Variants in RARS2 observed in about 807,000 individuals in gnomAD.
RARS2 encodes probable arginine--tRNA ligase, mitochondrial.
In RARS2, 67 loss-of-function variants were observed where a neutral mutation model predicts 88.5. The ratio of observed to expected loss-of-function variants is 0.76; its 90% CI spans 0.62 to 0.93. The LOEUF is 0.93. RARS2 is among the 40% of genes least tolerant of loss of function. The pLI is 0.00. For synonymous variants in RARS2, 239 were observed against 230.3 expected (o/e 1.04, Z -0.34); for missense variants, 664 against 684.2 (o/e 0.97, Z 0.33).
In RARS2 at chr6:87,564,131, T is replaced by C. The variant is rs746485365; in HGVS notation, c.212A>G (p.Lys71Arg). The change falls in exon 3 of 20, where the codon AAG becomes AGG. Residue 71 changes from lysine to arginine, a missense_variant and splice_region_variant. Physicochemically the swap from Lys to Arg is conservative, Grantham distance 26. Coordinates refer to ENST00000369536, the MANE Select transcript of RARS2 (RefSeq NM_020320.5). ...AAAGAGATAATAGTGCTAACGTACCTTCTCTGCTAGTCTCTTGGCTTGAAC... is the reference window on the plus strand; with the variant it reads ...AAAGAGATAATAGTGCTAACGTACCCTCTCTGCTAGTCTCTTGGCTTGAAC... ...IQVQAKRLAE[K>R]LRCDTVVSEI... The C allele has an allele frequency of 2.5e-6, 4 of 1,599,180 alleles. No individual in the cohort carries two copies. Among genetic ancestry groups the C allele is most frequent in the Middle Eastern group, 1.7e-4 (1 of 6,038 alleles).
At chr6:87,564,814 T>C (rs888293957) in intron 2 of RARS2, among the ~76,000 whole-genome samples, 30 of 152,174 alleles carry the variant, frequency 2.0e-4, no homozygotes, top group African/African-American at 6.5e-4. Flanking sequence ...TCCCAGCACT[T>C]TGGGAGGCCG....
chr6:87,558,184 A>G (rs1364765483), intron 4 of RARS2, among the ~76,000 whole-genome samples: 2 of 151,922 alleles, frequency 1.3e-5, no homozygotes, highest in Non-Finnish European at 2.9e-5. Context: ...TCTCAAAGAA[A>G]AAAAAAAAAA....
At position 87,520,807 on chromosome 6, in the gene RARS2, T is replaced by G. The variant is rs58811064; in HGVS notation, c.1036-551A>C. 1.0e-2 allele frequency among the ~76,000 whole-genome samples: 1,520 copies of G among 152,252 alleles called. 25 individuals are homozygous for G. The highest frequency in any genetic ancestry group is 0.035 in the African/African-American group (1,437 of 41,540). On this transcript the variant is annotated intron_variant, in intron 12 of 19. Coordinates refer to ENST00000369536, the MANE Select transcript of RARS2 (RefSeq NM_020320.5). Reference sequence around the variant, plus strand: ...CAACATTCTTAGAGTGACAAAATTGTGCTGAAGAACAGAGCACTGGCTGCC... The same window carrying G: ...CAACATTCTTAGAGTGACAAAATTGGGCTGAAGAACAGAGCACTGGCTGCC...
At chr6:87,555,145 A>AAATG (rs1299167597) in intron 5 of RARS2, among the ~76,000 whole-genome samples, 1 of 150,236 alleles carries the variant, frequency 6.7e-6, no homozygotes, top group African/African-American at 2.5e-5. Context: ...ATAAATAAAT[A>AAATG]AAGTGAATAA....
At chr6:87,515,424 G>T (rs1024207745) in intron 18 of RARS2, among the ~76,000 whole-genome samples, 1 of 152,008 alleles carries the variant, frequency 6.6e-6, no homozygotes, top group African/African-American at 2.4e-5. Flanking sequence ...GGAGGCTGAG[G>T]CAGGAGAATG....
At position 87,518,719 on chromosome 6, in the gene RARS2, T is replaced by C. The variant is rs1772679551; in HGVS notation, c.1326A>G (p.Leu442=). 3.7e-6 allele frequency: 6 copies of C among 1,614,142 alleles called. No homozygotes were observed. The highest frequency in any genetic ancestry group is 1.3e-5 in the African/African-American group (1 of 75,056). Residue 442 remains leucine, a synonymous_variant, in exon 16 of 20, where the codon TTA becomes TTG. Coordinates refer to ENST00000369536, the MANE Select transcript of RARS2 (RefSeq NM_020320.5). ...GATCCCAGCTGAACTTGTAGTCAGA[T>C]AAGAGTAAACCTTTGAAGTCCTAAA... The part of the protein sequence containing the change: ...LIIQDFKGLL[L]SDYKFSWDRV...
rs1771971061 is a variant in RARS2, at chr6:87,516,977, C to CAAT, written c.1512-98_1512-97insATT. 8.4e-6 allele frequency: 13 copies of CAAT among 1,542,384 alleles called. No individual in the cohort carries two copies. In the South Asian group the frequency reaches 1.5e-4, roughly 18 times the overall value. On this transcript the variant is annotated intron_variant, in intron 17 of 19. Coordinates refer to ENST00000369536, the MANE Select transcript of RARS2 (RefSeq NM_020320.5). ...TTGTGAATATAAGGTTGACTCGACA[C>CAAT]GATTAAGAGTAGAAGGTATGGCCAG...
rs1205965138 is a variant in RARS2, at chr6:87,572,397, GA to G, written c.37-2808del. On this transcript the variant is annotated intron_variant, in intron 1 of 19. Coordinates refer to ENST00000369536, the MANE Select transcript of RARS2 (RefSeq NM_020320.5). ...CTATCTTAAATATAACAATTCGGCT[GA>G]AAAAAACTCAGTTATTAGGTCAATT... Among the ~76,000 whole-genome samples, 7 of 152,040 alleles carry G rather than the reference GA, an allele frequency of 4.6e-5. No individual in the cohort carries two copies. In the East Asian group the frequency reaches 7.7e-4, roughly 17 times the overall value.
chr6:87,531,962 T>C (rs1777661316), intron 8 of RARS2, among the ~76,000 whole-genome samples: 1 of 152,132 alleles, frequency 6.6e-6, no homozygotes, highest in East Asian at 1.9e-4. Flanking sequence ...GAATAAACTA[T>C]GAAAAAATAA....
chr6:87,570,296 G>A (rs1769256598), intron 1 of RARS2, among the ~76,000 whole-genome samples: 1 of 152,108 alleles, frequency 6.6e-6, no homozygotes, highest in African/African-American at 2.4e-5. Flanking sequence ...GTGAGGAACT[G>A]TGCCTTGCTG....
chr6:87,562,824 A>G (rs1215104056), intron 3 of RARS2, 39 bp from the exon 4 acceptor site: 1 of 1,457,368 alleles, frequency 6.9e-7, no homozygotes, highest in Non-Finnish European at 9.6e-7. Context: ...TATGTTATAT[A>G]ATAGGCCTAA....
rs560953644 is a variant in RARS2 at position 87,556,189 on chromosome 6, G to A, written c.298-684C>T. 5.3e-5 allele frequency among the ~76,000 whole-genome samples: 8 copies of A among 152,256 alleles called. No homozygotes were observed. The South Asian group carries it at 1.4e-3, about 28-fold the overall frequency. ...CAAACATATTCCAGGTTAGTTTTTAGTTATTAACATAGAACTATGATATAT... is the reference window on the plus strand; with the variant it reads ...CAAACATATTCCAGGTTAGTTTTTAATTATTAACATAGAACTATGATATAT... On this transcript the variant is annotated intron_variant, in intron 4 of 19. Coordinates refer to ENST00000369536, the MANE Select transcript of RARS2 (RefSeq NM_020320.5).
intron 7 of RARS2, among the ~76,000 whole-genome samples, chr6:87,542,523 T>C (rs1781314182): frequency 6.6e-6 from 1 of 152,174 alleles, no homozygotes; most frequent in Non-Finnish European, 1.5e-5. Context: ...AGGTAAAACT[T>C]GGAACATCCT....
chr6:87,533,013 T>C (rs66833561), intron 8 of RARS2, among the ~76,000 whole-genome samples: 16,751 of 152,198 alleles, frequency 0.11, 972 homozygotes, highest in East Asian at 0.15. Context: ...TGGTTTCTGA[T>C]TCTATCTCAC....
At chr6:87,561,713 G>A (rs905167201) in intron 4 of RARS2, among the ~76,000 whole-genome samples, 1 of 152,174 alleles carries the variant, frequency 6.6e-6, no homozygotes, top group South Asian at 2.1e-4. Flanking sequence ...CTGTGACACT[G>A]AGCAGGGCAA....
chr6:87,571,247 C>A (rs1471573213), intron 1 of RARS2, among the ~76,000 whole-genome samples: 2 of 152,056 alleles, frequency 1.3e-5, no homozygotes, highest in Non-Finnish European at 2.9e-5. Context: ...TTTCCCCCAC[C>A]CTTCGCTCAA....
chr6:87,550,057 T>C (rs2128130542), intron 5 of RARS2, among the ~76,000 whole-genome samples: 1 of 152,346 alleles, frequency 6.6e-6, no homozygotes, highest in Middle Eastern at 3.4e-3. Flanking sequence ...GGTACTACGA[T>C]TTAAAAACTT....
At chr6:87,520,087 G>T (rs1227762444) in intron 13 of RARS2, 93 bp downstream of exon 13, 1 of 1,064,972 alleles carries the variant, frequency 9.4e-7, no homozygotes, top group Non-Finnish European at 1.5e-6. Flanking sequence ...TTGAAACAAA[G>T]AATTGAAATC....
At chr6:87,572,292 A>G (rs922494619) in intron 1 of RARS2, among the ~76,000 whole-genome samples, 8 of 152,204 alleles carry the variant, frequency 5.3e-5, no homozygotes, top group Non-Finnish European at 8.8e-5. Flanking sequence ...CATGTAATAA[A>G]TATTTCCTTC....
Sources: gnomAD v4.1 joint callset for allele counts (sites outside exome capture counted in the v4.1 genomes callset) on GRCh38, gnomAD v4.1.1 for gene constraint, MANE v1.5 for transcripts, NCBI Gene and HGNC (gene_info 2026-07-23, HGNC 2026-07-21) for gene names.